The following HIBADH variants were observed in gnomAD, a reference collection of about 807,000 sequenced individuals.
The protein encoded by HIBADH is 3-hydroxyisobutyrate dehydrogenase, mitochondrial.
Under a neutral mutation model 36.1 loss-of-function variants are expected in HIBADH, and 25 were observed. That is an observed-to-expected ratio of 0.69 (90% CI 0.50 to 0.97). The LOEUF is 0.97. HIBADH is among the 50% of genes least tolerant of loss of function. The pLI is 0.00. For missense variants in HIBADH, 421 were observed against 418.0 expected, an observed-to-expected ratio of 1.01 and a Z score of -0.06; for synonymous variants, 160 against 149.5, an observed-to-expected ratio of 1.07 and a Z score of -0.51.
intron 4 of HIBADH, among the ~76,000 whole-genome samples, chr7:27,546,558 C>G (rs901417543): frequency 6.6e-6 from 1 of 151,994 alleles, no homozygotes; most frequent in South Asian, 2.1e-4. Context: ...GGGTTTGGGC[C>G]GCACCTATAA....
intron 1 of HIBADH, among the ~76,000 whole-genome samples, chr7:27,661,754 C>A (rs932114234): frequency 1.3e-5 from 2 of 151,950 alleles, no homozygotes; most frequent in Admixed American, 1.3e-4. Flanking sequence ...CTCAAACTTT[C>A]AGTTTGAGGA....
chr7:27,609,383 G>A (rs1047126868), intron 4 of HIBADH, among the ~76,000 whole-genome samples: 1 of 152,104 alleles, frequency 6.6e-6, no homozygotes, highest in Admixed American at 6.5e-5. Flanking sequence ...TCTTCTTCAG[G>A]ACTAATTTCA....
intron 4 of HIBADH, among the ~76,000 whole-genome samples, chr7:27,617,737 G>A (rs571290245): frequency 3.9e-5 from 6 of 152,280 alleles, no homozygotes; most frequent in South Asian, 2.1e-4. Flanking sequence ...GGACTGTTGC[G>A]ATATGAACCA....
chr7:27,633,566 G>A (rs1785785803), intron 2 of HIBADH, among the ~76,000 whole-genome samples: 1 of 152,112 alleles, frequency 6.6e-6, no homozygotes, highest in Non-Finnish European at 1.5e-5. Context: ...GGCTAAGATG[G>A]GAGGATAACT....
chr7:27,616,148 G>A lies in HIBADH; in HGVS notation c.484+13223C>T, dbSNP rs551255362. On this transcript the variant is annotated intron_variant, in intron 4 of 7. Coordinates refer to ENST00000265395, the MANE Select transcript of HIBADH (RefSeq NM_152740.4). ...GAGCCAGCACGTGCAGAGATCACAG[G>A]GCAAAAGAGGAAGCAAGAGAAAGAA... 8.5e-5 allele frequency among the ~76,000 whole-genome samples: 13 copies of A among 152,218 alleles called. No individual in the cohort carries two copies. The East Asian group carries it at 2.5e-3, about 29-fold the overall frequency.
rs569674211 is a variant in HIBADH at position 27,643,579 on chromosome 7, G to A, written c.252+5894C>T. Among the ~76,000 whole-genome samples the A allele has an allele frequency of 1.1e-4, 17 of 152,336 alleles. No individual in the cohort carries two copies. The South Asian group carries it at 3.1e-3, about 28-fold the overall frequency. On this transcript the variant is annotated intron_variant, in intron 2 of 7. Transcript: ENST00000265395. ...TTGCCCAAGATTGCACAGATACTAA[G>A]TGGTATAGAAAGATTCAAAACCTAC...
At chr7:27,626,668 CATTACT>C (rs1562650261) in intron 4 of HIBADH, among the ~76,000 whole-genome samples, 1 of 152,222 alleles carries the variant, frequency 6.6e-6, no homozygotes, top group East Asian at 1.9e-4. Context: ...TCTCAAAAAT[CATTACT>C]ATTTTAAATT....
chr7:27,560,266 C>T (rs950126471), intron 4 of HIBADH, among the ~76,000 whole-genome samples: 3 of 152,138 alleles, frequency 2.0e-5, no homozygotes, highest in Admixed American at 6.5e-5. Flanking sequence ...GGATTACAGG[C>T]GTGCACCACC....
chr7:27,551,227 G>C lies in HIBADH; in HGVS notation c.485-8127C>G, dbSNP rs531469176. Among the ~76,000 whole-genome samples the C allele has an allele frequency of 7.9e-5, 12 of 152,250 alleles. 1 individual carries two copies. The highest frequency in any genetic ancestry group is 2.9e-4 in the African/African-American group (12 of 41,542). On this transcript the variant is annotated intron_variant, in intron 4 of 7. Transcript: ENST00000265395. The stretch of plus-strand genomic sequence containing the variant: ...ATGCATAAGCTAAGTGTACATGTAT[G>C]AGGACATTATTATGAGGAGTTAAAA...
chr7:27,589,946 G>A (rs17155525), intron 4 of HIBADH, among the ~76,000 whole-genome samples: 31,020 of 152,082 alleles, frequency 0.2, 4,134 homozygotes, highest in East Asian at 0.51. Flanking sequence ...GTGAACCAGA[G>A]TAAGAGTTCT....
chr7:27,618,193 A>G (rs998190330), intron 4 of HIBADH, among the ~76,000 whole-genome samples: 2 of 152,174 alleles, frequency 1.3e-5, no homozygotes, highest in Non-Finnish European at 2.9e-5. Context: ...TGCTCCTGCT[A>G]TCACCGGAGG....
rs1784077733 is a variant in HIBADH at position 27,536,856 on chromosome 7, T to C, written c.695+1485A>G. Reference sequence around the variant, plus strand: ...GAGTCAATGGGCAAAGAGGGAAAGCTGTAGTACAGTATAACCTAGGTTCAT... The same window carrying C: ...GAGTCAATGGGCAAAGAGGGAAAGCCGTAGTACAGTATAACCTAGGTTCAT... On this transcript the variant is annotated intron_variant, in intron 6 of 7. Transcript: ENST00000265395. 2.0e-5 allele frequency among the ~76,000 whole-genome samples: 3 copies of C among 152,180 alleles called. No individual in the cohort carries two copies. In the South Asian group the frequency reaches 6.2e-4, roughly 31 times the overall value.
intron 6 of HIBADH, among the ~76,000 whole-genome samples, chr7:27,537,295 CAACTT>C (rs1384060515): frequency 1.3e-5 from 2 of 152,084 alleles, no homozygotes; most frequent in African/African-American, 4.8e-5. Context: ...TACAACATGA[CAACTT>C]AATAGGTCAA....
intron 2 of HIBADH, among the ~76,000 whole-genome samples, chr7:27,641,974 C>T (rs77644261): frequency 0.012 from 1,861 of 152,244 alleles, 20 homozygotes; most frequent in Non-Finnish European, 0.017. Flanking sequence ...TTCCAGGCTT[C>T]CTGCCTCAGG....
At chr7:27,635,984 C>T (rs1785834186) in intron 2 of HIBADH, among the ~76,000 whole-genome samples, 1 of 152,104 alleles carries the variant, frequency 6.6e-6, no homozygotes, top group African/African-American at 2.4e-5. Flanking sequence ...CAGTATGCAT[C>T]AATGGTGGGT....
chr7:27,649,825 G>A (rs926226594), intron 1 of HIBADH, among the ~76,000 whole-genome samples, 192 bp from the exon 2 acceptor site: 8 of 151,054 alleles, frequency 5.3e-5, no homozygotes, highest in Non-Finnish European at 1.2e-4. Context: ...TCGAGCCCAG[G>A]AGTTTTAGAA....
In HIBADH at chr7:27,530,550, C is replaced by CA. The variant is rs1162781975; in HGVS notation, c.852+641dup. 6.9e-3 allele frequency among the ~76,000 whole-genome samples: 1,034 copies of CA among 150,136 alleles called. 13 individuals are homozygous for CA. Among genetic ancestry groups the CA allele is most frequent in the African/African-American group, 0.023 (915 of 40,364 alleles). ...CAGGAAAAACAAACAAACAAACAAA[C>CA]AAACAAAAACCAACCCTCAACTGGG... On this transcript the variant is annotated intron_variant, in intron 7 of 7. Coordinates refer to ENST00000265395, the MANE Select transcript of HIBADH (RefSeq NM_152740.4).
intron 1 of HIBADH, among the ~76,000 whole-genome samples, chr7:27,659,288 A>G (rs912789536): frequency 6.6e-6 from 1 of 152,254 alleles, no homozygotes; most frequent in Non-Finnish European, 1.5e-5. Context: ...TTCTCTGTAC[A>G]AATAAGTCTG....
At chr7:27,602,880 G>T (rs1448596897) in intron 4 of HIBADH, among the ~76,000 whole-genome samples, 1 of 151,916 alleles carries the variant, frequency 6.6e-6, no homozygotes, top group Non-Finnish European at 1.5e-5. Context: ...AACTCTGCTT[G>T]CCAGTTCCCT....
Sources: allele counts gnomAD v4.1 joint callset (sites outside exome capture counted in the v4.1 genomes callset), GRCh38; gene constraint gnomAD v4.1.1; transcripts MANE v1.5; gene names NCBI Gene and HGNC (gene_info 2026-07-23, HGNC 2026-07-21).